Variants in TMEM117 observed in about 807,000 individuals in gnomAD.
The protein encoded by TMEM117 is transmembrane protein 117.
Under a neutral mutation model 52.4 loss-of-function variants are expected in TMEM117, and 27 were observed. The observed-to-expected ratio is 0.51, with a 90% CI of 0.38 to 0.71. The LOEUF (loss-of-function observed/expected upper bound fraction) is 0.71. TMEM117 is among the 30% of genes least tolerant of loss of function. The pLI, the probability that TMEM117 is intolerant of heterozygous loss-of-function variation, is 0.00. For missense variants in TMEM117, 556 were observed against 630.5 expected, an observed-to-expected ratio of 0.88 and a Z score of 1.26; for synonymous variants, 215 against 206.3, an observed-to-expected ratio of 1.04 and a Z score of -0.36.
chr12:43,954,938 C>T (rs1045919774), intron 3 of TMEM117, among the ~76,000 whole-genome samples: 14 of 152,112 alleles, frequency 9.2e-5, no homozygotes, highest in African/African-American at 1.9e-4. Context: ...TTATCCACCA[C>T]GATCAAGTTG....
In TMEM117 at chr12:44,373,567, C is replaced by T. The variant is rs532972539; in HGVS notation, c.769-3028C>T. ...CAGGAAATAAACCATTTTTGTTGGACATTCACCTGTCTTTCACCTCTGTCT... is the reference window on the plus strand; with the variant it reads ...CAGGAAATAAACCATTTTTGTTGGATATTCACCTGTCTTTCACCTCTGTCT... On this transcript the variant is annotated intron_variant, in intron 6 of 7. Coordinates refer to ENST00000266534, the MANE Select transcript of TMEM117 (RefSeq NM_032256.3). Among the ~76,000 whole-genome samples, 3 of 152,262 alleles carry T rather than the reference C, an allele frequency of 2.0e-5. No individual in the cohort carries two copies. The East Asian group carries it at 5.8e-4, about 29-fold the overall frequency.
chr12:44,355,069 A>G (rs914590807), intron 6 of TMEM117, among the ~76,000 whole-genome samples: 6 of 152,162 alleles, frequency 3.9e-5, no homozygotes, highest in African/African-American at 1.4e-4. Context: ...GATATATGAT[A>G]TTCTGTTTTT....
chr12:44,114,251 A>G (rs889938566), intron 3 of TMEM117, among the ~76,000 whole-genome samples: 1 of 152,178 alleles, frequency 6.6e-6, no homozygotes, highest in Non-Finnish European at 1.5e-5. Context: ...AATTTAAATA[A>G]GTTTAAATTT....
intron 5 of TMEM117, among the ~76,000 whole-genome samples, chr12:44,217,932 A>T (rs1949738710): frequency 6.6e-6 from 1 of 152,132 alleles, no homozygotes; most frequent in Non-Finnish European, 1.5e-5. Flanking sequence ...TAAAAATACT[A>T]GCAAACCAGG....
At chr12:44,368,253 G>T (rs112786386) in intron 6 of TMEM117, among the ~76,000 whole-genome samples, 2 of 152,036 alleles carry the variant, frequency 1.3e-5, no homozygotes, top group African/African-American at 4.8e-5. Context: ...TGCTTTATTT[G>T]CTTCAGAGCA....
intron 3 of TMEM117, among the ~76,000 whole-genome samples, chr12:44,039,970 G>A (rs576634214): frequency 5.9e-5 from 9 of 152,152 alleles, no homozygotes; most frequent in African/African-American, 2.2e-4. Context: ...TTTAAATCTT[G>A]TGATAGATTT....
intron 4 of TMEM117, among the ~76,000 whole-genome samples, chr12:44,173,051 T>C (rs1262397191): frequency 6.6e-6 from 1 of 152,124 alleles, no homozygotes; most frequent in African/African-American, 2.4e-5. Flanking sequence ...TTTCAAGTTA[T>C]AACCTTTTAA....
chr12:43,933,203 C>CTT (rs777405057), intron 2 of TMEM117, among the ~76,000 whole-genome samples: 5 of 142,452 alleles, frequency 3.5e-5, no homozygotes, highest in African/African-American at 2.6e-5. Flanking sequence ...GTAATATTAA[C>CTT]TTTTTTTTTT....
At chr12:44,254,111 A>G (rs1311094686) in intron 5 of TMEM117, among the ~76,000 whole-genome samples, 3 of 151,966 alleles carry the variant, frequency 2.0e-5, no homozygotes, top group East Asian at 1.9e-4. Context: ...TTACAATGGC[A>G]TATGTGTGAG....
Position 43,956,500 on chromosome 12 carries a change from C to CAAAA in TMEM117, c.410+12176_410+12179dup, listed in dbSNP as rs57544750. On this transcript the variant is annotated intron_variant, in intron 3 of 7. Coordinates refer to ENST00000266534, the MANE Select transcript of TMEM117 (RefSeq NM_032256.3). ...GCAAAGGATATAAACAGACACTTCT[C>CAAAA]AAAAAAAAAAAAAAAAAAAAAGACG... Among the ~76,000 whole-genome samples, 17 of 83,536 alleles carry CAAAA rather than the reference C, an allele frequency of 2.0e-4. No homozygotes were observed. In the East Asian group the frequency reaches 2.3e-3, roughly 11 times the overall value. 54.8% of individuals were successfully genotyped at this position (83,536 alleles called of 152,430 possible).
intron 5 of TMEM117, among the ~76,000 whole-genome samples, chr12:44,214,474 G>A (rs535635236): frequency 7.2e-5 from 11 of 151,984 alleles, no homozygotes; most frequent in African/African-American, 2.7e-4. Context: ...GGCCTCAAAT[G>A]GGTTTATTTT....
chr12:44,006,699 T>A (rs969920340), intron 3 of TMEM117, among the ~76,000 whole-genome samples: 2 of 152,186 alleles, frequency 1.3e-5, no homozygotes, highest in South Asian at 4.1e-4. Flanking sequence ...ACCAGATACA[T>A]ACATATAGAT....
At chr12:44,177,869 C>A (rs1949137649) in intron 4 of TMEM117, among the ~76,000 whole-genome samples, 1 of 152,156 alleles carries the variant, frequency 6.6e-6, no homozygotes. Flanking sequence ...CAGCTCTTGA[C>A]AAGTCTCAGT....
At chr12:44,382,222 C>G (rs1952030603) in intron 7 of TMEM117, among the ~76,000 whole-genome samples, 1 of 152,120 alleles carries the variant, frequency 6.6e-6, no homozygotes, top group Non-Finnish European at 1.5e-5. Context: ...ATCCTGTCTT[C>G]ATTTGTACAT....
At chr12:43,949,946 C>G (rs1001117272) in intron 3 of TMEM117, among the ~76,000 whole-genome samples, 1 of 152,178 alleles carries the variant, frequency 6.6e-6, no homozygotes, top group East Asian at 1.9e-4. Flanking sequence ...GTTTCAGGTT[C>G]TTACTTTTCT....
At chr12:44,220,839 A>G (rs1949779194) in intron 5 of TMEM117, among the ~76,000 whole-genome samples, 1 of 152,208 alleles carries the variant, frequency 6.6e-6, no homozygotes, top group African/African-American at 2.4e-5. Flanking sequence ...AAAATGAATT[A>G]CATAGTATTA....
rs922388872 is a variant in TMEM117, at chr12:43,898,521, G to T, written c.278-45689G>T. Reference sequence around the variant, plus strand: ...CATTTCTAGATCTATTCTAGATCTGGCTGTGGGATGGGAGGCTGTTTTCAT... The same window carrying T: ...CATTTCTAGATCTATTCTAGATCTGTCTGTGGGATGGGAGGCTGTTTTCAT... On this transcript the variant is annotated intron_variant, in intron 2 of 7. Transcript: ENST00000266534. Among the ~76,000 whole-genome samples, 6 of 151,844 alleles carry T rather than the reference G, an allele frequency of 4.0e-5. No individual in the cohort carries two copies. The South Asian group carries it at 1.0e-3, about 26-fold the overall frequency.
At chr12:44,007,690 G>A (rs1265386189) in intron 3 of TMEM117, among the ~76,000 whole-genome samples, 1 of 152,054 alleles carries the variant, frequency 6.6e-6, no homozygotes, top group East Asian at 1.9e-4. Context: ...ATGTGTAGTG[G>A]GAGGGACCCA....
intron 3 of TMEM117, among the ~76,000 whole-genome samples, chr12:44,090,990 A>G (rs1381948716): frequency 6.6e-6 from 1 of 152,132 alleles, no homozygotes; most frequent in Non-Finnish European, 1.5e-5. Flanking sequence ...TTTAAGTTAT[A>G]TCCTCAGAAA....
Sources: gnomAD v4.1 joint callset for allele counts (sites outside exome capture counted in the v4.1 genomes callset) on GRCh38, gnomAD v4.1.1 for gene constraint, MANE v1.5 for transcripts, NCBI Gene and HGNC (gene_info 2026-07-23, HGNC 2026-07-21) for gene names.